Variants in TSR2 observed in about 807,000 individuals in gnomAD.
TSR2 encodes TSR2 ribosome maturation factor.
TSR2 carries 1 observed loss-of-function variant against 13.3 expected under a neutral mutation model. The ratio of observed to expected loss-of-function variants is 0.08; its 90% CI spans 0.03 to 0.36. TSR2 has a LOEUF of 0.36. Among genes scored for constraint, TSR2 ranks in the 10% least tolerant of loss-of-function variants. The pLI is 0.99. For missense variants in TSR2, 120 were observed against 151.1 expected, an observed-to-expected ratio of 0.79 and a Z score of 1.08; for synonymous variants, 60 against 57.7, an observed-to-expected ratio of 1.04 and a Z score of -0.18.
Position 54,447,058 on chromosome X carries a change from C to G in TSR2, c.*2508C>G, listed in dbSNP as rs1366043574. Reference sequence around the variant, plus strand: ...TACTCTTACCCACTCCAAATTGGACCTAGCAGTTCCCCATCTCTACTCCTT... The same window carrying G: ...TACTCTTACCCACTCCAAATTGGACGTAGCAGTTCCCCATCTCTACTCCTT... On this transcript the variant is annotated 3_prime_UTR_variant, in exon 5 of 5. Coordinates refer to ENST00000375151, the MANE Select transcript of TSR2 (RefSeq NM_058163.3). 9.0e-6 allele frequency among the ~76,000 whole-genome samples: 1 copy of G among 111,547 alleles called. No homozygotes were observed. Among genetic ancestry groups the G allele is most frequent in the Non-Finnish European group, 1.9e-5 (1 of 53,095 alleles).
In TSR2 at chrX:54,446,169, C is replaced by T; in HGVS notation, c.*1619C>T. 2.5e-5 allele frequency: 30 copies of T among 1,211,252 alleles called. No homozygotes were observed. Among genetic ancestry groups the T allele is most frequent in the Non-Finnish European group, 3.4e-5 (30 of 895,236 alleles). ...GTTCAGCAGTGGCTCCTAAAGCAGC[C>T]ACCGGTGCCTCCTCCATCTCCCTGT... On this transcript the variant is annotated 3_prime_UTR_variant, in exon 5 of 5. Coordinates refer to ENST00000375151, the MANE Select transcript of TSR2 (RefSeq NM_058163.3).
chrX:54,441,039 T>C (rs1488744864), intron 2 of TSR2, among the ~76,000 whole-genome samples: 1 of 111,835 alleles, frequency 8.9e-6, no homozygotes, highest in Non-Finnish European at 1.9e-5. Context: ...CGTATAAAAG[T>C]ATCCACCAGA....
Position 54,444,131 on chromosome X carries a change from G to A in TSR2, c.388G>A (p.Ala130Thr). Residue 130 changes from alanine (A) to threonine (T), a missense_variant, in exon 4 of 5, where the codon GCT (alanine) becomes ACT (threonine). Coordinates refer to ENST00000375151, the MANE Select transcript of TSR2 (RefSeq NM_058163.3). Reference sequence around the variant, plus strand: ...GGTCACAGCCACTGCACTTAAGACAGCTAGAGAGACTGATGAGGATGAAGA... The same window carrying A: ...GGTCACAGCCACTGCACTTAAGACAACTAGAGAGACTGATGAGGATGAAGA... ...CKVTATALKT[A>T]RETDEDEDDV... 1 of 1,211,780 alleles carries A rather than the reference G, an allele frequency of 8.3e-7. No homozygotes were observed. Among genetic ancestry groups the A allele is most frequent in the Non-Finnish European group, 1.1e-6 (1 of 895,510 alleles).
intron 2 of TSR2, among the ~76,000 whole-genome samples, chrX:54,443,136 T>A (rs763556901): frequency 8.9e-6 from 1 of 111,852 alleles, no homozygotes; most frequent in Admixed American, 9.6e-5. Context: ...ATTTAGTGGT[T>A]CTTTAAAAAA....
Position 54,447,163 on chromosome X carries a change from C to G in TSR2, c.*2613C>G. On this transcript the variant is annotated 3_prime_UTR_variant, in exon 5 of 5. Transcript: ENST00000375151. Reference sequence around the variant, plus strand: ...CCTTGTCTCTAGCCAGTCTTTGTCTCTCAAGGGTTGGGGTTCTGATTTCCT... The same window carrying G: ...CCTTGTCTCTAGCCAGTCTTTGTCTGTCAAGGGTTGGGGTTCTGATTTCCT... 9.5e-6 allele frequency: 6 copies of G among 630,522 alleles called. No homozygotes were observed. Among genetic ancestry groups the G allele is most frequent in the Non-Finnish European group, 1.5e-5 (6 of 396,608 alleles). The allele number at this position is 630,522 out of a possible 1,213,427, so 52.0% of individuals were successfully genotyped here. A position where few individuals can be genotyped will look rare whatever the true frequency, so the allele number is the denominator to read the frequency against.
At chrX:54,441,002 A>G (rs1921912237) in intron 2 of TSR2, among the ~76,000 whole-genome samples, 1 of 111,684 alleles carries the variant, frequency 9.0e-6, no homozygotes, top group Non-Finnish European at 1.9e-5. Context: ...TACCTCCCTG[A>G]GACTCAGTTT....
intron 2 of TSR2, among the ~76,000 whole-genome samples, chrX:54,442,421 T>A (rs1002863260): frequency 9.0e-6 from 1 of 111,295 alleles, no homozygotes; most frequent in African/African-American, 3.3e-5. Context: ...GCGAAGCAGG[T>A]TTAAAGAGTA....
In TSR2 at chrX:54,447,880, G is replaced by C. The variant is rs1922269991; in HGVS notation, c.*3330G>C. 8.9e-6 allele frequency among the ~76,000 whole-genome samples: 1 copy of C among 112,095 alleles called. No individual in the cohort carries two copies. The highest frequency in any genetic ancestry group is 9.5e-5 in the Admixed American group (1 of 10,500). The stretch of plus-strand genomic sequence containing the variant: ...TAATGAAGTCTGGCTTAGAATCCCA[G>C]CTCTAGATGAAAATGTATTGACTTG... On this transcript the variant is annotated 3_prime_UTR_variant, in exon 5 of 5. Transcript: ENST00000375151.
In TSR2 at chrX:54,443,388, T is replaced by A. The variant is rs760930576; in HGVS notation, c.173-12T>A. 4 of 1,197,549 alleles carry A rather than the reference T, an allele frequency of 3.3e-6. No individual in the cohort carries two copies. The African/African-American group carries it at 7.0e-5, about 21-fold the overall frequency. ...GGTCTTTGACCCAAGGGCCCTGTCC[T>A]TTTCTACTTAGCTGACTTGGAGCTA... is the stretch of plus-strand genomic sequence containing the variant. On this transcript the variant is annotated splice_polypyrimidine_tract_variant and intron_variant, in intron 2 of 4. Transcript: ENST00000375151.
Position 54,440,446 on chromosome X carries a change from C to T in TSR2, c.25C>T (p.Arg9Ter). ...AATGGCGGGCGCTGCAGAAGATGCG[C>T]GAGCTCTTTTCCGGGCTGGGGTCTG... MAGAAEDA[R>*]ALFRAGVCAA... The change falls in exon 1 of 5, where the codon CGA becomes TGA. Residue 9 changes from arginine to a stop codon, truncating the protein, a stop_gained. Transcript: ENST00000375151. LOFTEE classifies it high-confidence loss of function. The T allele has an allele frequency of 8.9e-7, 1 of 1,128,780 alleles. No individual in the cohort carries two copies. The highest frequency in any genetic ancestry group is 1.2e-6 in the Non-Finnish European group (1 of 858,238). The allele number at this position is 1,128,780 out of a possible 1,213,427, so 93.0% of individuals were successfully genotyped here.
chrX:54,441,030 G>A (rs1038578921), intron 2 of TSR2, among the ~76,000 whole-genome samples: 1 of 111,640 alleles, frequency 9.0e-6, no homozygotes, highest in Non-Finnish European at 1.9e-5. Flanking sequence ...TCTAAAATGC[G>A]TATAAAAGTA....
chrX:54,440,639 CT>C, intron 1 of TSR2, 50 bp from the exon 2 acceptor site: 6 of 1,177,380 alleles, frequency 5.1e-6, no homozygotes, highest in Non-Finnish European at 6.9e-6. Context: ...CTCCAGGCTA[CT>C]CCAGGTCTGC....
rs1450390963 is a variant in TSR2, at chrX:54,447,203, C to A, written c.*2653C>A. On this transcript the variant is annotated 3_prime_UTR_variant, in exon 5 of 5. Transcript: ENST00000375151. ...TCTGATTTCCTCTTAGAGATAGGCTCACCTTATCTTCCAAGGCTCACCTTA... is the reference window on the plus strand; with the variant it reads ...TCTGATTTCCTCTTAGAGATAGGCTAACCTTATCTTCCAAGGCTCACCTTA... 1.1e-6 allele frequency: 1 copy of A among 876,710 alleles called. No individual in the cohort carries two copies. Among genetic ancestry groups the A allele is most frequent in the African/African-American group, 2.0e-5 (1 of 50,999 alleles). 72.3% of individuals were successfully genotyped at this position (876,710 alleles called of 1,213,427 possible).
At chrX:54,444,217 A>G in intron 4 of TSR2, 33 bp downstream of exon 4, 4 of 1,188,941 alleles carry the variant, frequency 3.4e-6, no homozygotes, top group Non-Finnish European at 4.5e-6. Flanking sequence ...TGGGGGATAC[A>G]GATGTTTTCA....
chrX:54,440,531 C>T (rs1325741734), intron 1 of TSR2, 29 bp downstream of exon 1: 2 of 1,141,797 alleles, frequency 1.8e-6, no homozygotes, highest in East Asian at 3.2e-5. Context: ...AGGGCAAGGT[C>T]AAGGTTAGGG....
In TSR2 at chrX:54,445,874, C is replaced by G. The variant is rs992180391; in HGVS notation, c.*1324C>G. On this transcript the variant is annotated 3_prime_UTR_variant, in exon 5 of 5. Transcript: ENST00000375151. The stretch of plus-strand genomic sequence containing the variant: ...AGGTAGGACTGGCAACGGCTCCCAC[C>G]CTCCCTGGGGACAGGGATTAATAAA... 13 of 388,815 alleles carry G rather than the reference C, an allele frequency of 3.3e-5. No homozygotes were observed. The Admixed American group carries it at 5.8e-4, about 17-fold the overall frequency. 32.0% of individuals were successfully genotyped at this position (388,815 alleles called of 1,213,427 possible). A position where few individuals can be genotyped will look rare whatever the true frequency, so the allele number is the denominator to read the frequency against.
At chrX:54,444,286 T>TGGGATGGTGGTG (rs1466419703) in intron 4 of TSR2, 102 bp downstream of exon 4, 1 of 1,157,102 alleles carries the variant, frequency 8.6e-7, no homozygotes, top group East Asian at 3.0e-5. Context: ...TGGTGGTTGG[T>TGGGATGGTGGTG]GGTAGTAGTA....
In TSR2 at chrX:54,446,196, C is replaced by T. The variant is rs1211977877; in HGVS notation, c.*1646C>T. On this transcript the variant is annotated 3_prime_UTR_variant, in exon 5 of 5. Coordinates refer to ENST00000375151, the MANE Select transcript of TSR2 (RefSeq NM_058163.3). ...CCGGTGCCTCCTCCATCTCCCTGTC[C>T]TCAGACAGTGTGGGCCCCGGGCAGA... 7 of 1,211,662 alleles carry T rather than the reference C, an allele frequency of 5.8e-6. No individual in the cohort carries two copies. The highest frequency in any genetic ancestry group is 1.7e-5 in the African/African-American group (1 of 57,954).
At position 54,447,062 on chromosome X, in the gene TSR2, C is replaced by G. The variant is rs1385985985; in HGVS notation, c.*2512C>G. 9.0e-6 allele frequency among the ~76,000 whole-genome samples: 1 copy of G among 111,614 alleles called. No individual in the cohort carries two copies. The highest frequency in any genetic ancestry group is 3.3e-5 in the African/African-American group (1 of 30,716). On this transcript the variant is annotated 3_prime_UTR_variant, in exon 5 of 5. Coordinates refer to ENST00000375151, the MANE Select transcript of TSR2 (RefSeq NM_058163.3). ...CTTACCCACTCCAAATTGGACCTAG[C>G]AGTTCCCCATCTCTACTCCTTCCAG... is the stretch of plus-strand genomic sequence containing the variant.
Sources: gnomAD v4.1 joint callset for allele counts (sites outside exome capture counted in the v4.1 genomes callset) on GRCh38, gnomAD v4.1.1 for gene constraint, MANE v1.5 for transcripts, NCBI Gene and HGNC (gene_info 2026-07-23, HGNC 2026-07-21) for gene names.